The following TARBP1 variants were observed in gnomAD, a reference collection of about 807,000 sequenced individuals.
TARBP1 encodes the protein tRNA guanosine 2 -O-methyltransferase TARBP1.
Under a neutral mutation model 178.6 loss-of-function variants are expected in TARBP1, and 144 were observed. The observed-to-expected ratio is 0.81, with a 90% CI of 0.70 to 0.93. The LOEUF (loss-of-function observed/expected upper bound fraction) is 0.93. Ranked by LOEUF, TARBP1 falls within the 40% of genes least tolerant of loss-of-function variation. The pLI is 0.00. For missense variants in TARBP1, 2,067 were observed against 2,011.7 expected, an observed-to-expected ratio of 1.03 and a Z score of -0.53; for synonymous variants, 787 against 781.0, an observed-to-expected ratio of 1.01 and a Z score of -0.13.
At chr1:234,414,523 G>C (rs1444169983) in intron 22 of TARBP1, among the ~76,000 whole-genome samples, 1 of 152,196 alleles carries the variant, frequency 6.6e-6, no homozygotes, top group Non-Finnish European at 1.5e-5. Flanking sequence ...GTCACTAGAA[G>C]CAAGAATAAG....
intron 22 of TARBP1, among the ~76,000 whole-genome samples, chr1:234,413,229 GA>G (rs888339664): frequency 6.6e-6 from 1 of 151,948 alleles, no homozygotes. Flanking sequence ...CACACATCAC[GA>G]AAAAAAAGCA....
intron 6 of TARBP1, among the ~76,000 whole-genome samples, chr1:234,463,368 T>C (rs61425196): frequency 0.021 from 3,161 of 152,248 alleles, 105 homozygotes; most frequent in African/African-American, 0.072. Flanking sequence ...AGGTGATCTG[T>C]CTGCCTCGGC....
chr1:234,391,617 G>C lies in TARBP1; in HGVS notation c.4826C>G (p.Thr1609Ser). Reference sequence around the variant, plus strand: ...TCCGTGCGAGAGCAGCTGCTGCCTGGTGTACTCCCAGATCAGCAGGGCTCC... The same window carrying C: ...TCCGTGCGAGAGCAGCTGCTGCCTGCTGTACTCCCAGATCAGCAGGGCTCC... ...VSGALLIWEY[T>S]RQQLLSHGDT... Residue 1609 changes from threonine to serine, a missense_variant, in exon 30 of 30, where the codon ACC becomes AGC. Physicochemically the swap from Thr to Ser is moderately conservative, Grantham distance 58. Transcript: ENST00000040877. 1 of 1,613,522 alleles carries C rather than the reference G, an allele frequency of 6.2e-7. No individual in the cohort carries two copies. Among genetic ancestry groups the C allele is most frequent in the Non-Finnish European group, 8.5e-7 (1 of 1,179,962 alleles).
At chr1:234,463,713 TGGAAAA>T (rs1668145118) in intron 6 of TARBP1, 118 bp downstream of exon 6, 2 of 528,606 alleles carry the variant, frequency 3.8e-6, no homozygotes, top group East Asian at 6.7e-5. Flanking sequence ...ATGCATATCC[TGGAAAA>T]GGAAACCATT....
chr1:234,408,570 C>T (rs554076191), intron 23 of TARBP1, among the ~76,000 whole-genome samples: 80 of 152,112 alleles, frequency 5.3e-4, no homozygotes, highest in African/African-American at 1.9e-3. Context: ...TGTCGGTGCT[C>T]GAGATATTTT....
chr1:234,464,763 A>G (rs888100281), intron 5 of TARBP1, among the ~76,000 whole-genome samples: 1 of 152,236 alleles, frequency 6.6e-6, no homozygotes, highest in South Asian at 2.1e-4. Context: ...ACAGCAAGAC[A>G]CAACTATAAA....
chr1:234,425,235 A>G (rs1286802567), intron 20 of TARBP1, among the ~76,000 whole-genome samples: 1 of 152,172 alleles, frequency 6.6e-6, no homozygotes, highest in Non-Finnish European at 1.5e-5. Context: ...CTGTCTCAGA[A>G]GAAGAAAAAA....
At position 234,450,465 on chromosome 1, in the gene TARBP1, G is replaced by A. The variant is rs761047789; in HGVS notation, c.1824C>T (p.Ser608=). ...ATGACTTAACATACTCTTGAACAAT[G>A]CTCTTTACATAAGCATTTAAAGATG... ...HKTSLNAYVK[S]IVQEYVKSSA... The change falls in exon 10 of 30, where the codon AGC becomes AGT. Residue 608 remains serine, a synonymous_variant. Transcript: ENST00000040877. 1 of 1,609,086 alleles carries A rather than the reference G, an allele frequency of 6.2e-7. No individual in the cohort carries two copies. The highest frequency in any genetic ancestry group is 1.7e-5 in the Admixed American group (1 of 58,830).
intron 8 of TARBP1, 105 bp downstream of exon 8, chr1:234,459,125 A>G (rs1005271105): frequency 8.5e-6 from 6 of 708,080 alleles, no homozygotes; most frequent in African/African-American, 1.8e-5. Context: ...TATTACAAGC[A>G]GGCCTTTCTA....
chr1:234,437,707 G>T (rs1665171894), intron 12 of TARBP1, among the ~76,000 whole-genome samples: 2 of 152,222 alleles, frequency 1.3e-5, no homozygotes, highest in South Asian at 4.1e-4. Flanking sequence ...ACACTGAACA[G>T]TGGTGAGTTT....
chr1:234,452,370 C>T (rs1393408666), intron 9 of TARBP1, among the ~76,000 whole-genome samples: 2 of 152,150 alleles, frequency 1.3e-5, no homozygotes, highest in Non-Finnish European at 2.9e-5. Context: ...ACTTTTAAAA[C>T]CTCACCGTAA....
chr1:234,473,301 G>C (rs947519466), intron 1 of TARBP1, among the ~76,000 whole-genome samples: 1 of 152,364 alleles, frequency 6.6e-6, no homozygotes, highest in South Asian at 2.1e-4. Flanking sequence ...GGTAAGTGGA[G>C]TGAAAAGTGA....
Position 234,448,583 on chromosome 1 carries a change from A to G in TARBP1, c.1862-4T>C, listed in dbSNP as rs1275683407. The G allele has an allele frequency of 6.2e-7, 1 of 1,611,856 alleles. No homozygotes were observed. On this transcript the variant is annotated splice_polypyrimidine_tract_variant and splice_region_variant and intron_variant, in intron 10 of 29. Coordinates refer to ENST00000040877, the MANE Select transcript of TARBP1 (RefSeq NM_005646.4). ...GGCATAAAGCAGTTTTCTCCTGCTT[A>G]AATAACAACAGTTAAGGTTTGCAAA...
At chr1:234,413,282 C>T (rs1255299734) in intron 22 of TARBP1, among the ~76,000 whole-genome samples, 3 of 152,162 alleles carry the variant, frequency 2.0e-5, no homozygotes, top group Non-Finnish European at 2.9e-5. Flanking sequence ...GAGGCCAAGG[C>T]GACATGGTGA....
At chr1:234,420,888 T>A in intron 20 of TARBP1, 76 bp from the exon 21 acceptor site, 1 of 899,968 alleles carries the variant, frequency 1.1e-6, no homozygotes, top group East Asian at 2.6e-5. Flanking sequence ...CAATGACAAC[T>A]TGAAATGTAA....
Position 234,429,061 on chromosome 1 carries a change from A to G in TARBP1, c.3060+75T>C, listed in dbSNP as rs542041783. The G allele has an allele frequency of 1.3e-4, 167 of 1,331,900 alleles. No homozygotes were observed. In the South Asian group the frequency reaches 1.5e-3, roughly 12 times the overall value. The allele number at this position is 1,331,900 out of a possible 1,614,324, so 82.5% of individuals were successfully genotyped here. ...AAGAGCCAAAAATCTAATTGTGAAT[A>G]CAACTCTCATGTTCCTCATGTGCTG... is the stretch of plus-strand genomic sequence containing the variant. On this transcript the variant is annotated intron_variant, in intron 17 of 29. Transcript: ENST00000040877.
At chr1:234,393,317 C>G in intron 28 of TARBP1, 45 bp downstream of exon 28, 8 of 1,410,158 alleles carry the variant, frequency 5.7e-6, no homozygotes, top group Non-Finnish European at 6.5e-6. Context: ...GGTACATGTG[C>G]GGGCTTGTTT....
chr1:234,450,289 TA>T (rs1255408779), intron 10 of TARBP1, 138 bp downstream of exon 10: 1 of 595,434 alleles, frequency 1.7e-6, no homozygotes, highest in African/African-American at 2.0e-5. Context: ...TTTTTCACAT[TA>T]TTTTACTGAA....
At position 234,406,099 on chromosome 1, in the gene TARBP1, T is replaced by G; in HGVS notation, c.3793A>C (p.Lys1265Gln). 6.2e-7 allele frequency: 1 copy of G among 1,612,508 alleles called. No homozygotes were observed. Among genetic ancestry groups the G allele is most frequent in the African/African-American group, 1.3e-5 (1 of 74,858 alleles). ...ATAAGGGCTTGCTTCAGAATTAGTT[T>G]CTGAAAAGAAAGGCAAAAAATTCCT... ...DIITQNIPEK[K>Q]LILKQALIVV... The change falls in exon 24 of 30, where the codon AAA (lysine) becomes CAA (glutamine). Residue 1265 changes from lysine to glutamine, a missense_variant and splice_region_variant. Physicochemically the swap from Lys to Gln is moderately conservative, Grantham distance 53. Coordinates refer to ENST00000040877, the MANE Select transcript of TARBP1 (RefSeq NM_005646.4).
Sources: gnomAD v4.1 joint callset for allele counts (sites outside exome capture counted in the v4.1 genomes callset) on GRCh38, gnomAD v4.1.1 for gene constraint, MANE v1.5 for transcripts, NCBI Gene and HGNC (gene_info 2026-07-23, HGNC 2026-07-21) for gene names.